The following SOX5 variants were observed in gnomAD, a reference collection of about 807,000 sequenced individuals.
SOX5 encodes the protein transcription factor SOX-5.
A neutral mutation model predicts 92.0 loss-of-function variants in SOX5; 9 were observed. The ratio of observed to expected loss-of-function variants is 0.10; its 90% CI spans 0.06 to 0.17. The LOEUF is 0.17. Ranked by LOEUF, SOX5 falls within the 10% of genes least tolerant of loss-of-function variation. The pLI is 1.00. For missense variants in SOX5, 642 were observed against 944.5 expected, an observed-to-expected ratio of 0.68 and a Z score of 4.20; for synonymous variants, 344 against 336.3, an observed-to-expected ratio of 1.02 and a Z score of -0.25.
At chr12:24,300,192 G>A (rs1947791675) in intron 2 of SOX5, among the ~76,000 whole-genome samples, 1 of 152,226 alleles carries the variant, frequency 6.6e-6, no homozygotes, top group Non-Finnish European at 1.5e-5. Flanking sequence ...AATTCTGCCA[G>A]TGGTAACTTC....
At chr12:24,490,931 T>C (rs1947001987) in intron 1 of SOX5, among the ~76,000 whole-genome samples, 1 of 152,028 alleles carries the variant, frequency 6.6e-6, no homozygotes, top group African/African-American at 2.4e-5. Flanking sequence ...ATTTTTAAAA[T>C]AACAAAATAC....
intron 1 of SOX5, among the ~76,000 whole-genome samples, chr12:24,458,541 TG>T (rs773849205): frequency 1.4e-4 from 21 of 152,206 alleles, no homozygotes; most frequent in Non-Finnish European, 2.8e-4. Flanking sequence ...GACAAATCTC[TG>T]GGGGGTAGGA....
chr12:23,791,435 G>T (rs186839006), intron 3 of SOX5, among the ~76,000 whole-genome samples: 13 of 152,306 alleles, frequency 8.5e-5, no homozygotes, highest in African/African-American at 2.4e-4. Context: ...CGGAGTAGCT[G>T]CATAAGCATG....
intron 3 of SOX5, among the ~76,000 whole-genome samples, chr12:23,771,200 AAAAAG>A (rs1312491656): frequency 4.6e-5 from 7 of 151,492 alleles, no homozygotes; most frequent in South Asian, 2.1e-4. Flanking sequence ...AAAAAAAAAA[AAAAAG>A]AAAGAAAGAA....
At chr12:23,846,671 C>T (rs1273051572) in intron 2 of SOX5, among the ~76,000 whole-genome samples, 4 of 152,146 alleles carry the variant, frequency 2.6e-5, no homozygotes, top group Admixed American at 6.5e-5. Flanking sequence ...AATTTATGTT[C>T]ATTTTCAGTA....
At chr12:24,242,076 A>G (rs1287951648) in intron 3 of SOX5, among the ~76,000 whole-genome samples, 2 of 152,198 alleles carry the variant, frequency 1.3e-5, no homozygotes, top group Non-Finnish European at 2.9e-5. Context: ...TCAGCTGGCC[A>G]TCGAAAGTTA....
chr12:23,793,374 G>A (rs957152830), intron 3 of SOX5, among the ~76,000 whole-genome samples: 7 of 152,078 alleles, frequency 4.6e-5, no homozygotes, highest in African/African-American at 1.4e-4. Flanking sequence ...GCCAAAAGTA[G>A]CTTATAAAGA....
At chr12:24,228,870 C>T (rs549711719) in intron 3 of SOX5, among the ~76,000 whole-genome samples, 2 of 152,298 alleles carry the variant, frequency 1.3e-5, no homozygotes, top group Admixed American at 1.3e-4. Flanking sequence ...GTGCCTCTCA[C>T]CCCTGGCCTT....
At chr12:23,848,392 TTGC>T (rs1730859234) in intron 2 of SOX5, among the ~76,000 whole-genome samples, 1 of 152,218 alleles carries the variant, frequency 6.6e-6, no homozygotes, top group African/African-American at 2.4e-5. Flanking sequence ...CTAAACTCAG[TTGC>T]TGCAGCAGTA....
intron 4 of SOX5, among the ~76,000 whole-genome samples, chr12:24,205,601 T>C (rs1393966645): frequency 6.6e-6 from 1 of 152,164 alleles, no homozygotes. Flanking sequence ...CTCATACCCA[T>C]TGCATCCCAC....
At chr12:24,293,134 C>T (rs1479385460) in intron 2 of SOX5, among the ~76,000 whole-genome samples, 1 of 152,206 alleles carries the variant, frequency 6.6e-6, no homozygotes, top group Non-Finnish European at 1.5e-5. Context: ...CCAACAAGAT[C>T]TATTTTCCTT....
intron 8 of SOX5, among the ~76,000 whole-genome samples, chr12:23,617,489 T>C (rs1384196862): frequency 1.3e-5 from 2 of 152,202 alleles, no homozygotes; most frequent in East Asian, 1.9e-4. Flanking sequence ...TAATAATACA[T>C]AGACAATCTT....
At chr12:24,420,341 T>G (rs1010704558) in intron 1 of SOX5, among the ~76,000 whole-genome samples, 1 of 152,172 alleles carries the variant, frequency 6.6e-6, no homozygotes, top group African/African-American at 2.4e-5. Context: ...ACATACCCAG[T>G]ACACGCGAAG....
At chr12:24,226,389 T>A (rs1319489109) in intron 3 of SOX5, among the ~76,000 whole-genome samples, 2 of 152,200 alleles carry the variant, frequency 1.3e-5, no homozygotes, top group Admixed American at 1.3e-4. Context: ...CTTTTGAAGT[T>A]TTCTTTAAAA....
chr12:23,759,802 A>C (rs1460236201), intron 3 of SOX5, among the ~76,000 whole-genome samples: 1 of 152,114 alleles, frequency 6.6e-6, no homozygotes, highest in East Asian at 1.9e-4. Flanking sequence ...TGAATACAGT[A>C]ATTATCTATT....
intron 10 of SOX5, among the ~76,000 whole-genome samples, chr12:23,566,094 C>G (rs1203353582): frequency 6.6e-6 from 1 of 152,146 alleles, no homozygotes; most frequent in Non-Finnish European, 1.5e-5. Flanking sequence ...AATAAGAGTT[C>G]TAGATTTCTA....
chr12:23,963,875 T>C (rs578131242), intron 4 of SOX5, among the ~76,000 whole-genome samples: 1 of 151,966 alleles, frequency 6.6e-6, no homozygotes, highest in Non-Finnish European at 1.5e-5. Context: ...ACCAGGCTGC[T>C]AATAAACCAG....
chr12:24,289,280 C>CAA lies in SOX5; in HGVS notation c.-173-11970_-173-11969dup, dbSNP rs75803761. On this transcript the variant is annotated intron_variant, in intron 2 of 4. Transcript: ENST00000446891. ...TGGGTGACACGGTGAGAACCTGTCT[C>CAA]AAAAAAAAAACAAAAACAAAAAAGA... is the stretch of plus-strand genomic sequence containing the variant. Among the ~76,000 whole-genome samples, 196 of 142,176 alleles carry CAA rather than the reference C, an allele frequency of 1.4e-3. 1 individual carries two copies. The highest frequency in any genetic ancestry group is 9.0e-3 in the Admixed American group (130 of 14,446). The allele number at this position is 142,176 out of a possible 152,430, so 93.3% of individuals were successfully genotyped here.
intron 1 of SOX5, among the ~76,000 whole-genome samples, chr12:24,491,840 G>A (rs550362612): frequency 6.6e-5 from 10 of 152,166 alleles, no homozygotes; most frequent in Middle Eastern, 6.8e-3. Context: ...GTAGGAATAT[G>A]CCGTTTCACA....
Sources: allele counts gnomAD v4.1 joint callset (sites outside exome capture counted in the v4.1 genomes callset), GRCh38; gene constraint gnomAD v4.1.1; transcripts MANE v1.5; gene names NCBI Gene and HGNC (gene_info 2026-07-23, HGNC 2026-07-21).